Variants in SLC35F1 observed in about 807,000 individuals in gnomAD.
SLC35F1 encodes the protein chromosome 6 open reading frame 169.
Under a neutral mutation model 48.7 loss-of-function variants are expected in SLC35F1, and 14 were observed. That is an observed-to-expected ratio of 0.29 (90% CI 0.19 to 0.45). The LOEUF (loss-of-function observed/expected upper bound fraction) is 0.45. SLC35F1 is among the 20% of genes least tolerant of loss of function. The pLI is 1.00. For synonymous variants in SLC35F1, 190 were observed against 202.2 expected (o/e 0.94, Z 0.51); for missense variants, 404 against 500.0 (o/e 0.81, Z 1.83).
intron 2 of SLC35F1, among the ~76,000 whole-genome samples, chr6:118,194,061 A>T (rs1041561058): frequency 6.6e-6 from 1 of 152,198 alleles, no homozygotes; most frequent in African/African-American, 2.4e-5. Context: ...TTTTATATGA[A>T]CATCACACAC....
intron 1 of SLC35F1, among the ~76,000 whole-genome samples, chr6:118,038,666 G>A (rs1772168450): frequency 6.6e-6 from 1 of 151,950 alleles, no homozygotes; most frequent in Admixed American, 6.6e-5. Context: ...CTGTTGCCCA[G>A]GCTGGAGTGC....
Position 118,264,352 on chromosome 6 carries a change from G to A in SLC35F1, c.478-2643G>A, listed in dbSNP as rs144856156. Reference sequence around the variant, plus strand: ...ACCAATTACTGAGGCCCCATTGTATGATAAGCACCAGGCTTCTCTCCTCAA... The same window carrying A: ...ACCAATTACTGAGGCCCCATTGTATAATAAGCACCAGGCTTCTCTCCTCAA... On this transcript the variant is annotated intron_variant, in intron 3 of 7. Transcript: ENST00000360388. Among the ~76,000 whole-genome samples, 12 of 152,310 alleles carry A rather than the reference G, an allele frequency of 7.9e-5. No homozygotes were observed. In the East Asian group the frequency reaches 2.1e-3, roughly 27 times the overall value.
intron 2 of SLC35F1, among the ~76,000 whole-genome samples, chr6:118,182,328 T>A (rs1434902207): frequency 6.6e-6 from 1 of 151,534 alleles, no homozygotes; most frequent in Non-Finnish European, 1.5e-5. Flanking sequence ...AAGAAAAATT[T>A]TTTTTTTTTT....
chr6:118,036,142 GT>G (rs1466139240), intron 1 of SLC35F1, among the ~76,000 whole-genome samples: 2 of 151,868 alleles, frequency 1.3e-5, no homozygotes, highest in African/African-American at 4.8e-5. Flanking sequence ...GGTTATTGGG[GT>G]TTTTTTCTTA....
chr6:118,019,938 C>T (rs1312605726), intron 1 of SLC35F1, among the ~76,000 whole-genome samples: 1 of 152,290 alleles, frequency 6.6e-6, no homozygotes, highest in East Asian at 1.9e-4. Context: ...TTTAACTCCT[C>T]TATTTCAGAT....
At chr6:117,923,670 T>TATATAC (rs1562238711) in intron 1 of SLC35F1, among the ~76,000 whole-genome samples, 9 of 26,826 alleles carry the variant, frequency 3.4e-4, no homozygotes, top group Non-Finnish European at 2.4e-4. Flanking sequence ...TATATATACA[T>TATATAC]ATATGTACAT....
chr6:118,240,451 TAC>T (rs1775423954), intron 3 of SLC35F1, among the ~76,000 whole-genome samples: 1 of 152,236 alleles, frequency 6.6e-6, no homozygotes, highest in Non-Finnish European at 1.5e-5. Flanking sequence ...ATCTGATTAA[TAC>T]AGTCACTTCA....
intron 1 of SLC35F1, among the ~76,000 whole-genome samples, chr6:118,104,608 A>G (rs557169601): frequency 6.6e-6 from 1 of 152,348 alleles, no homozygotes; most frequent in South Asian, 2.1e-4. Flanking sequence ...CAAATAAGTA[A>G]AAAGGGAGAA....
intron 6 of SLC35F1, among the ~76,000 whole-genome samples, chr6:118,282,339 A>C (rs1775994536): frequency 6.6e-6 from 1 of 152,228 alleles, no homozygotes; most frequent in African/African-American, 2.4e-5. Flanking sequence ...CAGTATATTC[A>C]CATGCAAAAA....
intron 1 of SLC35F1, among the ~76,000 whole-genome samples, chr6:117,922,813 C>A (rs1023476790): frequency 6.6e-6 from 1 of 152,174 alleles, no homozygotes; most frequent in African/African-American, 2.4e-5. Flanking sequence ...GTTTAACTTG[C>A]AGCTGAAAGC....
intron 1 of SLC35F1, among the ~76,000 whole-genome samples, chr6:118,128,882 C>T (rs938963852): frequency 6.6e-6 from 1 of 151,932 alleles, no homozygotes; most frequent in African/African-American, 2.4e-5. Flanking sequence ...CTGCACTAGG[C>T]TACTTTAAAG....
chr6:117,908,477 G>C (rs1030069242), intron 1 of SLC35F1, among the ~76,000 whole-genome samples: 2 of 152,250 alleles, frequency 1.3e-5, no homozygotes, highest in African/African-American at 4.8e-5. Flanking sequence ...GCTGGGAGCA[G>C]CGAAGAGAGG....
chr6:117,989,090 T>G (rs1417547574), intron 1 of SLC35F1, among the ~76,000 whole-genome samples: 1 of 152,202 alleles, frequency 6.6e-6, no homozygotes, highest in Admixed American at 6.5e-5. Flanking sequence ...CTCGGATGAT[T>G]CGTAGTCAGT....
At chr6:118,288,259 G>T (rs1221707814) in intron 7 of SLC35F1, among the ~76,000 whole-genome samples, 1 of 152,152 alleles carries the variant, frequency 6.6e-6, no homozygotes, top group Non-Finnish European at 1.5e-5. Context: ...AATCAATTTG[G>T]AAAATTTATT....
At chr6:118,108,358 C>T (rs1038481271) in intron 1 of SLC35F1, among the ~76,000 whole-genome samples, 24 of 152,104 alleles carry the variant, frequency 1.6e-4, no homozygotes, top group Non-Finnish European at 2.9e-4. Flanking sequence ...GCCTAAGCTA[C>T]TTCTGGGTAA....
At chr6:118,137,269 G>A (rs571220757) in intron 1 of SLC35F1, among the ~76,000 whole-genome samples, 12 of 152,296 alleles carry the variant, frequency 7.9e-5, no homozygotes, top group African/African-American at 2.9e-4. Flanking sequence ...CCAAGTATAG[G>A]AAAAGAGGAG....
chr6:117,954,154 C>G (rs1776397654), intron 1 of SLC35F1, among the ~76,000 whole-genome samples: 1 of 152,212 alleles, frequency 6.6e-6, no homozygotes. Flanking sequence ...TCATCTTGAT[C>G]ATGGATTATG....
At chr6:118,225,716 A>G (rs1194297330) in intron 2 of SLC35F1, among the ~76,000 whole-genome samples, 1 of 20,098 alleles carries the variant, frequency 5.0e-5, no homozygotes, top group Non-Finnish European at 1.2e-4. Context: ...TACTAAAAAT[A>G]CAAAAAAAAT....
chr6:117,925,560 G>T (rs1399276944), intron 1 of SLC35F1, among the ~76,000 whole-genome samples: 1 of 152,134 alleles, frequency 6.6e-6, no homozygotes, highest in Non-Finnish European at 1.5e-5. Flanking sequence ...TTTAAGCCAG[G>T]TTTAGTTGGG....
Sources: gnomAD v4.1 joint callset for allele counts (sites outside exome capture counted in the v4.1 genomes callset) on GRCh38, gnomAD v4.1.1 for gene constraint, MANE v1.5 for transcripts, NCBI Gene and HGNC (gene_info 2026-07-23, HGNC 2026-07-21) for gene names.